The following ADD3 variants were observed in gnomAD, a reference collection of about 807,000 sequenced individuals.
ADD3 encodes the protein gamma-adducin.
A neutral mutation model predicts 80.2 loss-of-function variants in ADD3; 25 were observed. The observed-to-expected ratio is 0.31, with a 90% CI of 0.23 to 0.44. ADD3 has a LOEUF of 0.44. Among genes scored for constraint, ADD3 ranks in the 20% least tolerant of loss-of-function variants. The pLI is 1.00. For synonymous variants in ADD3, 284 were observed against 289.6 expected, an observed-to-expected ratio of 0.98 and a Z score of 0.20; for missense variants, 829 against 847.5, an observed-to-expected ratio of 0.98 and a Z score of 0.27.
At chr10:110,037,235 G>A (rs1307098945) in intron 1 of ADD3, among the ~76,000 whole-genome samples, 1 of 152,150 alleles carries the variant, frequency 6.6e-6, no homozygotes, top group Non-Finnish European at 1.5e-5. Flanking sequence ...CTTACCATGG[G>A]TTCCTACTGT....
chr10:109,997,383 C>T (rs1203674396), intron 1 of ADD3: 1 of 152,164 alleles, frequency 6.6e-6, no homozygotes, highest in Non-Finnish European at 1.5e-5. Flanking sequence ...CTGGAAAAGG[C>T]AAGGAATGCT....
chr10:110,094,026 C>A (rs1452113722), intron 1 of ADD3, among the ~76,000 whole-genome samples: 1 of 152,140 alleles, frequency 6.6e-6, no homozygotes, highest in Non-Finnish European at 1.5e-5. Flanking sequence ...GTACTTAAAA[C>A]TTGTCCCTTT....
At chr10:110,108,056 G>C (rs1025411887) in intron 2 of ADD3, among the ~76,000 whole-genome samples, 2 of 152,118 alleles carry the variant, frequency 1.3e-5, no homozygotes, top group African/African-American at 4.8e-5. Context: ...CTTCTAACCA[G>C]TTCTTCTCTA....
chr10:110,132,926 A>AC (rs1853238072), intron 14 of ADD3, among the ~76,000 whole-genome samples: 1 of 89,824 alleles, frequency 1.1e-5, no homozygotes, highest in African/African-American at 5.9e-5. Context: ...CTCCGCCTCA[A>AC]AAAAAAAAAA....
intron 13 of ADD3, among the ~76,000 whole-genome samples, chr10:110,131,233 A>G (rs1027300263): frequency 3.3e-5 from 5 of 152,230 alleles, no homozygotes; most frequent in African/African-American, 4.8e-5. Context: ...TGTTAGGATT[A>G]TATTTAAGAC....
At chr10:110,086,497 G>T (rs149807440) in intron 1 of ADD3, among the ~76,000 whole-genome samples, 1 of 152,308 alleles carries the variant, frequency 6.6e-6, no homozygotes, top group African/African-American at 2.4e-5. Flanking sequence ...TCCAAGTATT[G>T]GAGGTGGGGT....
chr10:110,133,783 A>G lies in ADD3; in HGVS notation c.*165A>G. On this transcript the variant is annotated 3_prime_UTR_variant, in exon 15 of 15. Transcript: ENST00000356080. ...TTACAAAAGAAAAACTTTCAGATTC[A>G]TCTCTCATTTTATATGTCCAGAAAT... The G allele has an allele frequency of 1.9e-6, 1 of 535,218 alleles. No homozygotes were observed. Among genetic ancestry groups the G allele is most frequent in the Non-Finnish European group, 3.1e-6 (1 of 325,082 alleles). The allele number at this position is 535,218 out of a possible 1,614,324, so 33.2% of individuals were successfully genotyped here.
intron 2 of ADD3, among the ~76,000 whole-genome samples, chr10:110,105,779 G>A (rs1564987559): frequency 6.6e-6 from 1 of 152,208 alleles, no homozygotes; most frequent in Non-Finnish European, 1.5e-5. Flanking sequence ...AGGCCTGAGT[G>A]TTAACAGGGT....
At chr10:110,010,658 A>G (rs1167908667) in intron 1 of ADD3, among the ~76,000 whole-genome samples, 1 of 152,232 alleles carries the variant, frequency 6.6e-6, no homozygotes, top group East Asian at 1.9e-4. Flanking sequence ...CCAGGCACTA[A>G]GAGTTTTATA....
At chr10:110,004,300 C>T (rs1187168204), upstream of ADD3, among the ~76,000 whole-genome samples, 1 of 150,488 alleles carries the variant, frequency 6.6e-6, no homozygotes, top group Non-Finnish European at 1.5e-5. Context: ...TTTGGGAGGC[C>T]GAGACAGGCG....
chr10:110,055,059 C>T (rs2133435717), intron 1 of ADD3, among the ~76,000 whole-genome samples: 1 of 152,338 alleles, frequency 6.6e-6, no homozygotes, highest in Non-Finnish European at 1.5e-5. Context: ...CCGCACCCAG[C>T]AGTTTTCTCA....
intron 11 of ADD3, 63 bp from the exon 12 acceptor site, chr10:110,126,353 TA>T: frequency 2.4e-6 from 3 of 1,244,802 alleles, no homozygotes; most frequent in Non-Finnish European, 2.3e-6. Flanking sequence ...TATGAAAAGA[TA>T]AAGCAAAGGT....
upstream of ADD3, among the ~76,000 whole-genome samples, chr10:110,005,459 T>C (rs1433503150): frequency 6.6e-6 from 1 of 152,242 alleles, no homozygotes; most frequent in Admixed American, 6.5e-5. Context: ...TGCTTATAGG[T>C]AGGACTTGAA....
chr10:110,060,271 C>T (rs1452777571), intron 1 of ADD3, among the ~76,000 whole-genome samples: 1 of 152,038 alleles, frequency 6.6e-6, no homozygotes, highest in Non-Finnish European at 1.5e-5. Context: ...ACGTTTATTC[C>T]AGTGTTTGAT....
At chr10:110,017,165 A>G (rs557101857) in intron 1 of ADD3, among the ~76,000 whole-genome samples, 2 of 152,250 alleles carry the variant, frequency 1.3e-5, no homozygotes, top group South Asian at 2.1e-4. Context: ...AATACCCTTA[A>G]GCACTATGCT....
intron 9 of ADD3, among the ~76,000 whole-genome samples, chr10:110,122,961 G>A (rs2134160681): frequency 6.6e-6 from 1 of 152,200 alleles, no homozygotes; most frequent in Non-Finnish European, 1.5e-5. Context: ...CTGTATATAA[G>A]TGAGATCATG....
intron 8 of ADD3, among the ~76,000 whole-genome samples, chr10:110,120,891 C>G (rs1004290719): frequency 6.6e-6 from 1 of 152,010 alleles, no homozygotes; most frequent in African/African-American, 2.4e-5. Flanking sequence ...GAAAAACAAG[C>G]AATGGGGAAA....
In ADD3 at chr10:110,118,999, A is replaced by G. The variant is rs532621089; in HGVS notation, c.718-212A>G. On this transcript the variant is annotated intron_variant, in intron 6 of 14. Transcript: ENST00000356080. ...AGCAAAGCTTCTTTCATAATATTTG[A>G]CACAGCATATAAGTTGAGTTGTATT... Among the ~76,000 whole-genome samples, 114 of 152,326 alleles carry G rather than the reference A, an allele frequency of 7.5e-4. 1 individual carries two copies. The highest frequency in any genetic ancestry group is 2.7e-3 in the African/African-American group (113 of 41,582).
In ADD3 at chr10:110,118,614, G is replaced by C; in HGVS notation, c.595G>C (p.Val199Leu). ...LVKVNIIGEV[V>L]DQGSTNLKID... ...GAAAGTCAATATAATAGGAGAAGTGGTTGACCAGGGAAGTACCAATTTGAA... is the reference window on the plus strand; with the variant it reads ...GAAAGTCAATATAATAGGAGAAGTGCTTGACCAGGGAAGTACCAATTTGAA... The change falls in exon 6 of 15, where the codon GTT becomes CTT. Residue 199 changes from valine (V) to leucine (L), a missense_variant. By Grantham distance (32) the Val-to-Leu change is conservative (BLOSUM62 1). Transcript: ENST00000356080. 6.2e-7 allele frequency: 1 copy of C among 1,613,924 alleles called. No homozygotes were observed.
Sources: allele counts gnomAD v4.1 joint callset (sites outside exome capture counted in the v4.1 genomes callset), GRCh38; gene constraint gnomAD v4.1.1; transcripts MANE v1.5; gene names NCBI Gene and HGNC (gene_info 2026-07-23, HGNC 2026-07-21).